Variants in MCC observed in about 807,000 individuals in gnomAD.
MCC encodes the protein colorectal mutant cancer protein.
In MCC, 90 loss-of-function variants were observed where a neutral mutation model predicts 116.2. That is an observed-to-expected ratio of 0.77 (90% CI 0.65 to 0.92). The LOEUF is 0.92. Ranked by LOEUF, MCC falls within the 40% of genes least tolerant of loss-of-function variation. MCC has a pLI of 0.00. For synonymous variants in MCC, 578 were observed against 510.5 expected (o/e 1.13, Z -1.78); for missense variants, 1,516 against 1,312.2 (o/e 1.16, Z -2.40).
intron 3 of MCC, among the ~76,000 whole-genome samples, chr5:113,260,074 C>G (rs921771479): frequency 6.6e-6 from 1 of 151,708 alleles, no homozygotes; most frequent in African/African-American, 2.4e-5. Context: ...CAATGACATT[C>G]AACTCTGGAA....
intron 3 of MCC, among the ~76,000 whole-genome samples, chr5:113,335,159 A>G (rs1472499997): frequency 6.6e-6 from 1 of 151,730 alleles, no homozygotes; most frequent in Non-Finnish European, 1.5e-5. Context: ...GGCAAGTACC[A>G]TAATGATTGT....
intron 3 of MCC, among the ~76,000 whole-genome samples, chr5:113,297,483 T>C (rs1766742971): frequency 6.6e-6 from 1 of 151,982 alleles, no homozygotes; most frequent in Admixed American, 6.6e-5. Flanking sequence ...GAGAATCGCT[T>C]GAACCTGGGA....
intron 3 of MCC, among the ~76,000 whole-genome samples, chr5:113,185,293 T>G (rs1445422846): frequency 6.6e-6 from 1 of 152,012 alleles, no homozygotes; most frequent in East Asian, 1.9e-4. Flanking sequence ...AGTCAAATCT[T>G]AACAAGACAC....
At position 113,024,613 on chromosome 5, in the gene MCC, T is replaced by G. The variant is rs1319964179; in HGVS notation, c.*2689A>C. On this transcript the variant is annotated 3_prime_UTR_variant, in exon 19 of 19. Transcript: ENST00000408903. ...CAATTCAAAATACGAAATCTGAAGG[T>G]TTTTAACCTCATATAAATTAGAATC... 1 of 152,104 alleles carries G rather than the reference T, an allele frequency of 6.6e-6. No individual in the cohort carries two copies. Among genetic ancestry groups the G allele is most frequent in the Non-Finnish European group, 1.5e-5 (1 of 68,026 alleles). 9.4% of individuals were successfully genotyped at this position (152,104 alleles called of 1,614,324 possible). A position where few individuals can be genotyped will look rare whatever the true frequency, so the allele number is the denominator to read the frequency against.
chr5:113,279,186 A>G (rs1349479778), intron 3 of MCC, among the ~76,000 whole-genome samples: 1 of 152,180 alleles, frequency 6.6e-6, no homozygotes, highest in Non-Finnish European at 1.5e-5. Context: ...TAGCACTTAT[A>G]AGACACTACA....
intron 13 of MCC, among the ~76,000 whole-genome samples, chr5:113,065,925 G>C (rs980750440): frequency 2.0e-5 from 3 of 152,142 alleles, no homozygotes; most frequent in African/African-American, 7.2e-5. Flanking sequence ...AAATGGGGTG[G>C]ACCCATTCTG....
chr5:113,055,141 C>CGA (rs1752746628), intron 14 of MCC, among the ~76,000 whole-genome samples: 1 of 152,212 alleles, frequency 6.6e-6, no homozygotes, highest in Non-Finnish European at 1.5e-5. Flanking sequence ...GAAAGTGAAG[C>CGA]TCAGAGACAT....
intron 2 of MCC, among the ~76,000 whole-genome samples, chr5:113,376,574 T>TATATATAC (rs10633405): frequency 6.1e-4 from 89 of 145,890 alleles, no homozygotes; most frequent in Non-Finnish European, 9.9e-4. Flanking sequence ...CCATATTTTA[T>TATATATAC]ACACACACAC....
Position 113,122,773 on chromosome 5 carries a change from T to C in MCC, c.938A>G (p.Glu313Gly), listed in dbSNP as rs750293858. 1 of 1,614,204 alleles carries C rather than the reference T, an allele frequency of 6.2e-7. No individual in the cohort carries two copies. Among genetic ancestry groups the C allele is most frequent in the South Asian group, 1.1e-5 (1 of 91,076 alleles). The change falls in exon 6 of 19, where the codon GAG (glutamate) becomes GGG (glycine). Residue 313 changes from glutamate to glycine, a missense_variant. Coordinates refer to ENST00000408903, the MANE Select transcript of MCC (RefSeq NM_001085377.2). ...LRSELSQSQH[E>G]VNEDSRSMDQ... Reference sequence around the variant, plus strand: ...CATGCTTCGAGAGTCCTCGTTGACCTCGTGTTGGCTCTGGCTGAGTTCTGA... The same window carrying C: ...CATGCTTCGAGAGTCCTCGTTGACCCCGTGTTGGCTCTGGCTGAGTTCTGA...
intron 3 of MCC, among the ~76,000 whole-genome samples, chr5:113,299,443 C>T (rs992038574): frequency 4.1e-4 from 61 of 149,300 alleles, no homozygotes; most frequent in Middle Eastern, 3.6e-3. Context: ...AAATGTCTTA[C>T]GATTTTTTTT....
In MCC at chr5:113,026,206, GC is replaced by G. The variant is rs1224730951; in HGVS notation, c.*1095del. 1.3e-5 allele frequency: 2 copies of G among 152,214 alleles called. No individual in the cohort carries two copies. The highest frequency in any genetic ancestry group is 1.5e-5 in the Non-Finnish European group (1 of 68,064). The allele number at this position is 152,214 out of a possible 1,614,324, so 9.4% of individuals were successfully genotyped here. On this transcript the variant is annotated 3_prime_UTR_variant, in exon 19 of 19. Transcript: ENST00000408903. ...CCATGTATCTGGGGGCAAAAAAGAA[GC>G]CTTAACTACCATTCCCTCACTCTGT...
chr5:113,044,614 G>A, intron 16 of MCC: 1 of 308,592 alleles, frequency 3.2e-6, no homozygotes. Context: ...TGCTCTCGTT[G>A]CCCAGGCTGG....
intron 3 of MCC, among the ~76,000 whole-genome samples, chr5:113,194,980 T>C (rs1362764555): frequency 6.6e-6 from 1 of 152,184 alleles, no homozygotes; most frequent in Non-Finnish European, 1.5e-5. Flanking sequence ...GTTCCACTGT[T>C]GGGAGCAGTG....
At chr5:113,200,350 T>C (rs367737344) in intron 3 of MCC, among the ~76,000 whole-genome samples, 79 of 152,278 alleles carry the variant, frequency 5.2e-4, no homozygotes, top group African/African-American at 1.8e-3. Flanking sequence ...ATGAAAGCCA[T>C]TCAGATGGAG....
At chr5:113,452,486 T>C (rs191056713) in intron 1 of MCC, among the ~76,000 whole-genome samples, 4 of 152,306 alleles carry the variant, frequency 2.6e-5, no homozygotes, top group African/African-American at 9.6e-5. Flanking sequence ...CCTTCTACCA[T>C]ATGAAGAGAG....
chr5:113,281,911 G>A (rs1766061155), intron 3 of MCC, among the ~76,000 whole-genome samples: 1 of 152,172 alleles, frequency 6.6e-6, no homozygotes, highest in African/African-American at 2.4e-5. Flanking sequence ...AGGCCCTATA[G>A]TAGCAAAATA....
In MCC at chr5:113,197,081, T is replaced by C. The variant is rs73778971; in HGVS notation, c.628-45659A>G. Among the ~76,000 whole-genome samples, 959 of 152,310 alleles carry C rather than the reference T, an allele frequency of 6.3e-3. 9 individuals are homozygous for C. The highest frequency in any genetic ancestry group is 0.022 in the African/African-American group (911 of 41,562). On this transcript the variant is annotated intron_variant, in intron 3 of 18. Coordinates refer to ENST00000408903, the MANE Select transcript of MCC (RefSeq NM_001085377.2). ...CAAGAAACGGTGGCATATGTTGATA[T>C]TGTGGAATTAGGACTTCAGACTTTT...
intron 3 of MCC, among the ~76,000 whole-genome samples, chr5:113,172,529 A>T (rs1761126467): frequency 6.6e-6 from 1 of 152,178 alleles, no homozygotes; most frequent in African/African-American, 2.4e-5. Context: ...TGGGGAGGCA[A>T]ATGTGAAATG....
At chr5:113,428,738 T>TA (rs1770546224) in intron 1 of MCC, 1 of 152,148 alleles carries the variant, frequency 6.6e-6, no homozygotes, top group African/African-American at 2.4e-5. Flanking sequence ...AGGAAGAATT[T>TA]AAGGGGAAAC....
Sources: allele counts gnomAD v4.1 joint callset (sites outside exome capture counted in the v4.1 genomes callset), GRCh38; gene constraint gnomAD v4.1.1; transcripts MANE v1.5; gene names NCBI Gene and HGNC (gene_info 2026-07-23, HGNC 2026-07-21).